Variants in FRMD4A observed in about 807,000 individuals in gnomAD.
The protein encoded by FRMD4A is FERM domain containing 4A.
FRMD4A carries 29 observed loss-of-function variants against 129.1 expected under a neutral mutation model. The ratio of observed to expected loss-of-function variants is 0.22; its 90% CI spans 0.17 to 0.31. The LOEUF (loss-of-function observed/expected upper bound fraction) is 0.31. FRMD4A is among the 10% of genes least tolerant of loss of function. The pLI is 1.00. For missense variants in FRMD4A, 1,272 were observed against 1,375.8 expected (o/e 0.92, Z 1.19); for synonymous variants, 634 against 571.6 (o/e 1.11, Z -1.56).
chr10:13,900,131 G>C (rs1162354828), intron 2 of FRMD4A, among the ~76,000 whole-genome samples: 1 of 152,124 alleles, frequency 6.6e-6, no homozygotes. Flanking sequence ...GTCAATTAGA[G>C]GCCAATTCTG....
At chr10:13,746,644 C>T (rs995506903) in intron 9 of FRMD4A, among the ~76,000 whole-genome samples, 1 of 152,206 alleles carries the variant, frequency 6.6e-6, no homozygotes, top group African/African-American at 2.4e-5. Context: ...ATCAAAAGCA[C>T]TTACACAAGT....
At chr10:13,958,740 C>A (rs1417138852) in intron 2 of FRMD4A, among the ~76,000 whole-genome samples, 2 of 152,096 alleles carry the variant, frequency 1.3e-5, no homozygotes, top group African/African-American at 4.8e-5. Context: ...CATGCACCCC[C>A]ACGCCTGGCT....
chr10:13,665,283 G>C (rs995318275), intron 18 of FRMD4A, among the ~76,000 whole-genome samples: 4 of 152,022 alleles, frequency 2.6e-5, no homozygotes, highest in Middle Eastern at 6.8e-3. Flanking sequence ...CATGTTTCCA[G>C]ACTGAAACTC....
chr10:13,984,714 C>T (rs560449439), intron 2 of FRMD4A, among the ~76,000 whole-genome samples: 1 of 152,326 alleles, frequency 6.6e-6, no homozygotes. Context: ...GAATTCGCTT[C>T]CTTTTTAAGG....
intron 2 of FRMD4A, among the ~76,000 whole-genome samples, chr10:13,982,987 G>C (rs537858372): frequency 6.4e-4 from 97 of 152,110 alleles, no homozygotes; most frequent in Middle Eastern, 3.4e-3. Context: ...CTTTTTTTGA[G>C]ATGGGGTCTG....
At chr10:14,093,441 A>G (rs1444876438) in intron 2 of FRMD4A, among the ~76,000 whole-genome samples, 2 of 152,120 alleles carry the variant, frequency 1.3e-5, no homozygotes, top group Non-Finnish European at 2.9e-5. Context: ...TGAGAAAGGG[A>G]GATGGTGGTT....
At chr10:14,295,041 C>A (rs892999279) in intron 2 of FRMD4A, among the ~76,000 whole-genome samples, 2 of 152,152 alleles carry the variant, frequency 1.3e-5, no homozygotes, top group Non-Finnish European at 2.9e-5. Flanking sequence ...GAGATTAATT[C>A]TCTCCCTCGT....
intron 6 of FRMD4A, among the ~76,000 whole-genome samples, chr10:13,773,181 C>T (rs903034296): frequency 8.5e-5 from 13 of 152,190 alleles, no homozygotes; most frequent in African/African-American, 2.4e-4. Flanking sequence ...GACACTCCTT[C>T]GTAACTATGC....
At chr10:14,095,116 C>T (rs375045082) in intron 2 of FRMD4A, among the ~76,000 whole-genome samples, 42 of 152,192 alleles carry the variant, frequency 2.8e-4, no homozygotes, top group Middle Eastern at 3.4e-3. Flanking sequence ...TGAGTTTTAA[C>T]GCTGTGATAG....
At position 14,149,153 on chromosome 10, in the gene FRMD4A, A is replaced by G. The variant is rs142288183; in HGVS notation, c.45+180905T>C. 9.9e-5 allele frequency among the ~76,000 whole-genome samples: 15 copies of G among 152,274 alleles called. No homozygotes were observed. In the East Asian group the frequency reaches 2.5e-3, roughly 25 times the overall value. ...ACAGTCCAAATACATACTTTCATAG[A>G]CCATTGTTTTTATAGAAAACCCATG... On this transcript the variant is annotated intron_variant, in intron 2 of 24. Coordinates refer to ENST00000357447, the MANE Select transcript of FRMD4A (RefSeq NM_018027.5).
chr10:14,119,176 G>GAT (rs1473013641), intron 2 of FRMD4A, among the ~76,000 whole-genome samples: 2 of 152,172 alleles, frequency 1.3e-5, no homozygotes, highest in East Asian at 3.9e-4. Context: ...AGACACAGCA[G>GAT]AGGGTGACTC....
At chr10:14,060,999 C>T (rs962050549) in intron 2 of FRMD4A, among the ~76,000 whole-genome samples, 2 of 150,458 alleles carry the variant, frequency 1.3e-5, no homozygotes, top group African/African-American at 4.8e-5. Flanking sequence ...CTAATATACT[C>T]AGAGCACTTA....
chr10:13,778,598 C>T (rs1007993226), intron 6 of FRMD4A, among the ~76,000 whole-genome samples: 6 of 147,872 alleles, frequency 4.1e-5, no homozygotes, highest in African/African-American at 7.4e-5. Flanking sequence ...ACCATTCCAA[C>T]GTGTGTGTGT....
At chr10:13,728,680 C>T (rs994304359) in intron 12 of FRMD4A, among the ~76,000 whole-genome samples, 1 of 148,074 alleles carries the variant, frequency 6.8e-6, no homozygotes, top group African/African-American at 2.5e-5. Context: ...AAGCAATTCT[C>T]CTGTCTCAGC....
intron 3 of FRMD4A, among the ~76,000 whole-genome samples, chr10:13,839,281 C>T (rs2093925860): frequency 6.6e-6 from 1 of 152,192 alleles, no homozygotes; most frequent in African/African-American, 2.4e-5. Context: ...TCTAGAATTA[C>T]AGGTGTGAGC....
chr10:14,127,990 C>T (rs1267472674), intron 2 of FRMD4A, among the ~76,000 whole-genome samples: 36 of 121,832 alleles, frequency 3.0e-4, no homozygotes, highest in African/African-American at 1.2e-3. Flanking sequence ...TTCTCTCTCT[C>T]TCTCTCTCTC....
intron 2 of FRMD4A, among the ~76,000 whole-genome samples, chr10:14,025,254 G>A (rs80021394): frequency 1.5e-3 from 233 of 151,384 alleles, no homozygotes; most frequent in African/African-American, 5.4e-3. Flanking sequence ...GAATATCCAC[G>A]AAATCTTGCA....
At chr10:14,151,977 G>A (rs1840359969) in intron 2 of FRMD4A, among the ~76,000 whole-genome samples, 2 of 152,046 alleles carry the variant, frequency 1.3e-5, no homozygotes, top group South Asian at 2.1e-4. Flanking sequence ...AGGCTTCCTG[G>A]GGGAGAAGAC....
intron 2 of FRMD4A, among the ~76,000 whole-genome samples, chr10:14,236,638 CA>C (rs1161812041): frequency 6.6e-6 from 1 of 152,196 alleles, no homozygotes; most frequent in African/African-American, 2.4e-5. Flanking sequence ...GTCGGTGCCC[CA>C]CTGCCTGAGG....
Sources: allele counts gnomAD v4.1 joint callset (sites outside exome capture counted in the v4.1 genomes callset), GRCh38; gene constraint gnomAD v4.1.1; transcripts MANE v1.5; gene names NCBI Gene and HGNC (gene_info 2026-07-23, HGNC 2026-07-21).